The following AVPR1A variants were observed in gnomAD, a reference collection of about 807,000 sequenced individuals.
AVPR1A encodes vasopressin V1a receptor.
In AVPR1A, 31 loss-of-function variants were observed where a neutral mutation model predicts 31.5. The observed-to-expected ratio is 0.99, with a 90% CI of 0.74 to 1.33. AVPR1A has a LOEUF of 1.33. Among genes scored for constraint, AVPR1A ranks in the 40% most tolerant of loss-of-function variants. The probability of loss-of-function intolerance (pLI) is 0.00; values close to 1 mark genes in which losing one functional copy is unlikely to be tolerated. For synonymous variants in AVPR1A, 243 were observed against 233.2 expected, an observed-to-expected ratio of 1.04 and a Z score of -0.38; for missense variants, 570 against 575.2, an observed-to-expected ratio of 0.99 and a Z score of 0.09.
chr12:63,148,754 A>G (rs575294364), intron 1 of AVPR1A, among the ~76,000 whole-genome samples: 1 of 152,216 alleles, frequency 6.6e-6, no homozygotes, highest in African/African-American at 2.4e-5. Flanking sequence ...TATTTAAGTT[A>G]AATTCATACT....
chr12:63,150,369 C>A lies in AVPR1A; in HGVS notation c.468G>T (p.Pro156=). ...GCGCGGGCTGTTGCAGAGTCTTGAG[C>A]GGGTGGCACACCGCGATGTAGCGGT... ...TADRYIAVCH[P]LKTLQQPARR... Residue 156 remains proline, a synonymous_variant, in exon 1 of 2, where the codon CCG becomes CCT. Coordinates refer to ENST00000299178, the MANE Select transcript of AVPR1A (RefSeq NM_000706.5). This position sits in a 1 kb window ranked among gnomAD's most constrained non-coding sequence, Gnocchi z 4.9. The A allele has an allele frequency of 1.2e-6, 2 of 1,613,892 alleles. No homozygotes were observed. The highest frequency in any genetic ancestry group is 1.1e-5 in the South Asian group (1 of 91,088).
Position 63,150,580 on chromosome 12 carries a change from A to C in AVPR1A, c.257T>G (p.Met86Arg). 2 of 1,612,350 alleles carry C rather than the reference A, an allele frequency of 1.2e-6. No homozygotes were observed. The highest frequency in any genetic ancestry group is 8.5e-7 in the Non-Finnish European group (1 of 1,179,926). The change falls in exon 1 of 2, where the codon ATG becomes AGG. Residue 86 changes from methionine (M) to arginine (R), a missense_variant. By Grantham distance (91) the Met-to-Arg change is moderately conservative. Transcript: ENST00000299178. The surrounding 1 kb of genome is among the most constrained non-coding windows in gnomAD (Gnocchi z 4.9). ...LHRTPRKTSR[M>R]HLFIRHLSLA... Reference sequence around the variant, plus strand: ...GCTGAGGTGTCGGATGAAGAGGTGCATGCGGGACGTCTTGCGCGGCGTCCG... The same window carrying C: ...GCTGAGGTGTCGGATGAAGAGGTGCCTGCGGGACGTCTTGCGCGGCGTCCG...
In AVPR1A at chr12:63,150,150, C is replaced by T. The variant is rs1232812319; in HGVS notation, c.687G>A (p.Val229=). ...AGCCGTAGCAGGTACCCAAGATGAC[C>T]ACGGGCGCCACAAAGATGCCGCCCG... ...WMTGGIFVAP[V]VILGTCYGFI... The change falls in exon 1 of 2, where the codon GTG becomes GTA. Residue 229 remains valine, a synonymous_variant. Transcript: ENST00000299178. This position sits in a 1 kb window ranked among gnomAD's most constrained non-coding sequence, Gnocchi z 4.9. 2 of 1,613,992 alleles carry T rather than the reference C, an allele frequency of 1.2e-6. No homozygotes were observed. Among genetic ancestry groups the T allele is most frequent in the South Asian group, 2.2e-5 (2 of 91,072 alleles).
rs1379624029 is a variant in AVPR1A at position 63,145,243 on chromosome 12, T to C, written c.*2116A>G. 3 of 365,518 alleles carry C rather than the reference T, an allele frequency of 8.2e-6. No individual in the cohort carries two copies. The highest frequency in any genetic ancestry group is 6.4e-5 in the African/African-American group (3 of 46,636). The allele number at this position is 365,518 out of a possible 1,614,324, so 22.6% of individuals were successfully genotyped here. ...CTAGGGAGTCCCTAGGTTTATAATC[T>C]CTATAAAGCATTTGGAAACATGTTT... On this transcript the variant is annotated 3_prime_UTR_variant, in exon 2 of 2. Transcript: ENST00000299178.
At position 63,150,464 on chromosome 12, in the gene AVPR1A, G is replaced by A; in HGVS notation, c.373C>T (p.Arg125Cys). The A allele has an allele frequency of 6.2e-7, 1 of 1,613,454 alleles. No individual in the cohort carries two copies. Among genetic ancestry groups the A allele is most frequent in the Non-Finnish European group, 8.5e-7 (1 of 1,179,884 alleles). The change falls in exon 1 of 2, where the codon CGC (arginine) becomes TGC (cysteine). Residue 125 changes from arginine to cysteine, a missense_variant. Arg to Cys is a radical substitution (Grantham distance 180). Transcript: ENST00000299178. The surrounding 1 kb of genome is among the most constrained non-coding windows in gnomAD (Gnocchi z 4.9). Reference sequence around the variant, plus strand: ...AACACCTGCAGGTGCTTCACCACGCGGCACAGCCAGTCGGGGCCGCGGAAG... The same window carrying A: ...AACACCTGCAGGTGCTTCACCACGCAGCACAGCCAGTCGGGGCCGCGGAAG... The part of the protein sequence containing the change: ...YRFRGPDWLC[R>C]VVKHLQVFGM...
In AVPR1A at chr12:63,145,352, G is replaced by A. The variant is rs1183637769; in HGVS notation, c.*2007C>T. On this transcript the variant is annotated 3_prime_UTR_variant, in exon 2 of 2. Coordinates refer to ENST00000299178, the MANE Select transcript of AVPR1A (RefSeq NM_000706.5). ...AGAGGAGTGAAGTTATCGCTTCCGGGTTCTCACAGTGCTATCCAGTTCTCA... is the reference window on the plus strand; with the variant it reads ...AGAGGAGTGAAGTTATCGCTTCCGGATTCTCACAGTGCTATCCAGTTCTCA... 6.6e-6 allele frequency: 3 copies of A among 455,484 alleles called. No individual in the cohort carries two copies. The Admixed American group carries it at 7.1e-5, about 11-fold the overall frequency. 28.2% of individuals were successfully genotyped at this position (455,484 alleles called of 1,614,324 possible).
chr12:63,150,365 T>C lies in AVPR1A; in HGVS notation c.472A>G (p.Lys158Glu). ...CGGCGCGCGGGCTGTTGCAGAGTCT[T>C]GAGCGGGTGGCACACCGCGATGTAG... ...DRYIAVCHPL[K>E]TLQQPARRSR... The change falls in exon 1 of 2, where the codon AAG (lysine) becomes GAG (glutamate). Residue 158 changes from lysine to glutamate, a missense_variant. Lys to Glu is a moderately conservative substitution (Grantham distance 56, BLOSUM62 1). Transcript: ENST00000299178. This position sits in a 1 kb window ranked among gnomAD's most constrained non-coding sequence, Gnocchi z 4.9. The C allele has an allele frequency of 1.2e-6, 2 of 1,613,864 alleles. No individual in the cohort carries two copies. Among genetic ancestry groups the C allele is most frequent in the East Asian group, 2.2e-5 (1 of 44,854 alleles).
chr12:63,144,983 T>C lies in AVPR1A; in HGVS notation c.*2376A>G, dbSNP rs1423119940. On this transcript the variant is annotated 3_prime_UTR_variant, in exon 2 of 2. Transcript: ENST00000299178. ...GAAGCAAGATCTATAGGTTCTGAGGTTCTTACTTTGGAAATGGATTTAGAA... is the reference window on the plus strand; with the variant it reads ...GAAGCAAGATCTATAGGTTCTGAGGCTCTTACTTTGGAAATGGATTTAGAA... The C allele has an allele frequency of 8.1e-6, 1 of 123,892 alleles. No individual in the cohort carries two copies. Among genetic ancestry groups the C allele is most frequent in the Non-Finnish European group, 2.0e-5 (1 of 50,928 alleles). The allele number at this position is 123,892 out of a possible 1,614,324, so 7.7% of individuals were successfully genotyped here.
In AVPR1A at chr12:63,150,426, C is replaced by T. The variant is rs1565879068; in HGVS notation, c.411G>A (p.Ala137=). The T allele has an allele frequency of 1.9e-6, 3 of 1,613,574 alleles. No individual in the cohort carries two copies. In the East Asian group the frequency reaches 6.7e-5, roughly 36 times the overall value. Residue 137 remains alanine (A), a synonymous_variant, in exon 1 of 2, where the codon GCG becomes GCA. Transcript: ENST00000299178. This position sits in a 1 kb window ranked among gnomAD's most constrained non-coding sequence, Gnocchi z 4.9. ...VKHLQVFGMF[A]SAYMLVVMTA... The stretch of plus-strand genomic sequence containing the variant: ...TCATGACTACCAGCATGTAGGCCGA[C>T]GCAAACATGCCGAACACCTGCAGGT...
At chr12:63,149,480 C>CAGTA (rs1487636650) in intron 1 of AVPR1A, among the ~76,000 whole-genome samples, 1 of 152,106 alleles carries the variant, frequency 6.6e-6, no homozygotes, top group African/African-American at 2.4e-5. Flanking sequence ...GGTGTTAATA[C>CAGTA]AGTAGCTAGT....
chr12:63,143,041 T>C lies in AVPR1A; in HGVS notation c.*4318A>G, dbSNP rs1022581049. On this transcript the variant is annotated 3_prime_UTR_variant, in exon 2 of 2. Coordinates refer to ENST00000299178, the MANE Select transcript of AVPR1A (RefSeq NM_000706.5). ...ATACTAAAGATGCAACATTAATTCT[T>C]AGTACATTTGTTATGGTAATGAATT... 6.6e-6 allele frequency: 1 copy of C among 152,102 alleles called. No individual in the cohort carries two copies. The highest frequency in any genetic ancestry group is 6.6e-5 in the Admixed American group (1 of 15,262). The allele number at this position is 152,102 out of a possible 1,614,324, so 9.4% of individuals were successfully genotyped here. A position where few individuals can be genotyped will look rare whatever the true frequency, so the allele number is the denominator to read the frequency against.
chr12:63,150,051 C>G lies in AVPR1A; in HGVS notation c.786G>C (p.Ala262=), dbSNP rs1379093654. The part of the protein sequence containing the change: ...ASRQSKGAEQ[A]GVAFQKGFLL... ...GGAACCCCTTTTGGAAGGCCACACC[C>G]GCTTGCTCTGCACCCTTGCTCTGGC... Residue 262 remains alanine, a synonymous_variant, in exon 1 of 2, where the codon GCG becomes GCC. Coordinates refer to ENST00000299178, the MANE Select transcript of AVPR1A (RefSeq NM_000706.5). The surrounding 1 kb of genome is among the most constrained non-coding windows in gnomAD (Gnocchi z 4.9). 6.2e-7 allele frequency: 1 copy of G among 1,614,120 alleles called. No individual in the cohort carries two copies. Among genetic ancestry groups the G allele is most frequent in the East Asian group, 2.2e-5 (1 of 44,858 alleles).
Position 63,149,943 on chromosome 12 carries a change from C to A in AVPR1A, c.894G>T (p.Thr298=). Residue 298 remains threonine, a synonymous_variant, in exon 1 of 2, where the codon ACG becomes ACT. Coordinates refer to ENST00000299178, the MANE Select transcript of AVPR1A (RefSeq NM_000706.5). ...RTVKMTFVIV[T]AYIVCWAPFF... ...AAGGCGCCCAGCAGACGATGTAAGC[C>A]GTCACGATCACAAAAGTCATCTTCA... is the stretch of plus-strand genomic sequence containing the variant. 6.2e-7 allele frequency: 1 copy of A among 1,614,054 alleles called. No individual in the cohort carries two copies.
chr12:63,150,809 C>T lies in AVPR1A; in HGVS notation c.28G>A (p.Gly10Arg), dbSNP rs1565879282. 2.5e-6 allele frequency: 4 copies of T among 1,591,380 alleles called. No homozygotes were observed. Among genetic ancestry groups the T allele is most frequent in the African/African-American group, 1.3e-5 (1 of 74,518 alleles). The change falls in exon 1 of 2, where the codon GGG (glycine) becomes AGG (arginine). Residue 10 changes from glycine (G) to arginine (R), a missense_variant. Physicochemically the swap from Gly to Arg is moderately radical, Grantham distance 125. Coordinates refer to ENST00000299178, the MANE Select transcript of AVPR1A (RefSeq NM_000706.5). The surrounding 1 kb of genome is among the most constrained non-coding windows in gnomAD (Gnocchi z 4.9). MRLSAGPDA[G>R]PSGNSSPWWP... is the part of the protein sequence containing the mutation. ...CATGGGCTGGAGTTGCCCGAGGGCC[C>T]CGCGTCGGGACCGGCGGAGAGACGC...
In AVPR1A at chr12:63,147,218, C is replaced by T. The variant is rs1868371050; in HGVS notation, c.*141G>A. On this transcript the variant is annotated 3_prime_UTR_variant, in exon 2 of 2. Coordinates refer to ENST00000299178, the MANE Select transcript of AVPR1A (RefSeq NM_000706.5). ...AGTTTTTGGTAGCAATATGAAAATG[C>T]AACTAGAAACACAGTCTCATACACA... is the stretch of plus-strand genomic sequence containing the variant. The T allele has an allele frequency of 1.0e-6, 1 of 997,796 alleles. No individual in the cohort carries two copies. The highest frequency in any genetic ancestry group is 1.4e-6 in the Non-Finnish European group (1 of 692,482). 61.8% of individuals were successfully genotyped at this position (997,796 alleles called of 1,614,324 possible). A position where few individuals can be genotyped will look rare whatever the true frequency, so the allele number is the denominator to read the frequency against.
Position 63,150,809 on chromosome 12 carries a change from C to G in AVPR1A, c.28G>C (p.Gly10Arg). 1 of 1,591,498 alleles carries G rather than the reference C, an allele frequency of 6.3e-7. No individual in the cohort carries two copies. Among genetic ancestry groups the G allele is most frequent in the Non-Finnish European group, 8.5e-7 (1 of 1,175,688 alleles). Residue 10 changes from glycine (G) to arginine (R), a missense_variant, in exon 1 of 2, where the codon GGG (glycine) becomes CGG (arginine). Transcript: ENST00000299178. The surrounding 1 kb of genome is among the most constrained non-coding windows in gnomAD (Gnocchi z 4.9). ...CATGGGCTGGAGTTGCCCGAGGGCCCCGCGTCGGGACCGGCGGAGAGACGC... is the reference window on the plus strand; with the variant it reads ...CATGGGCTGGAGTTGCCCGAGGGCCGCGCGTCGGGACCGGCGGAGAGACGC... MRLSAGPDA[G>R]PSGNSSPWWP...
rs542635691 is a variant in AVPR1A, at chr12:63,145,009, A to G, written c.*2350T>C. The stretch of plus-strand genomic sequence containing the variant: ...TCTTACTTTGGAAATGGATTTAGAA[A>G]AAAATGGGTTCATCTTAGTTCCAAA... On this transcript the variant is annotated 3_prime_UTR_variant, in exon 2 of 2. Transcript: ENST00000299178. 6.5e-6 allele frequency: 1 copy of G among 154,960 alleles called. No individual in the cohort carries two copies. The highest frequency in any genetic ancestry group is 2.0e-4 in the South Asian group (1 of 5,088). 9.6% of individuals were successfully genotyped at this position (154,960 alleles called of 1,614,324 possible). A position where few individuals can be genotyped will look rare whatever the true frequency, so the allele number is the denominator to read the frequency against.
rs1341247447 is a variant in AVPR1A at position 63,149,877 on chromosome 12, G to A, written c.960C>T (p.Ser320=). The part of the protein sequence containing the change: ...IQMWSVWDPM[S]VWTESENPTI... ...TTTCCCGGCACGTACCGGTCCAGAC[G>A]GACATGGGATCCCAGACAGACCACA... The change falls in exon 1 of 2, where the codon TCC becomes TCT. Residue 320 remains serine (S), a synonymous_variant. Coordinates refer to ENST00000299178, the MANE Select transcript of AVPR1A (RefSeq NM_000706.5). 10 of 1,609,628 alleles carry A rather than the reference G, an allele frequency of 6.2e-6. No individual in the cohort carries two copies. Among genetic ancestry groups the A allele is most frequent in the South Asian group, 3.3e-5 (3 of 90,946 alleles).
At position 63,147,372 on chromosome 12, in the gene AVPR1A, G is replaced by A. The variant is rs1430751035; in HGVS notation, c.1244C>T (p.Pro415Leu). ...PKSSKSIKFIPVST is the reference protein window; with the variant it reads ...PKSSKSIKFILVST The stretch of plus-strand genomic sequence containing the variant: ...TGAATGCAAGGCTCAAGTTGAAACA[G>A]GAATGAATTTGATGGACTTGGAAGA... The change falls in exon 2 of 2, where the codon CCT (proline) becomes CTT (leucine). Residue 415 changes from proline to leucine, a missense_variant. Pro to Leu is a moderately conservative substitution (Grantham distance 98). Coordinates refer to ENST00000299178, the MANE Select transcript of AVPR1A (RefSeq NM_000706.5). The A allele has an allele frequency of 6.2e-7, 1 of 1,612,814 alleles. No individual in the cohort carries two copies. Among genetic ancestry groups the A allele is most frequent in the Admixed American group, 1.7e-5 (1 of 60,008 alleles).
Sources: gnomAD v4.1 joint callset for allele counts (sites outside exome capture counted in the v4.1 genomes callset) on GRCh38, gnomAD v4.1.1 for gene constraint, Gnocchi (gnomAD v3.1) non-coding constraint, MANE v1.5 for transcripts, NCBI Gene and HGNC (gene_info 2026-07-23, HGNC 2026-07-21) for gene names.